Variants in RPA3 observed in about 807,000 individuals in gnomAD.
RPA3 encodes the protein replication protein A 14 kDa subunit.
A neutral mutation model predicts 13.7 loss-of-function variants in RPA3; 24 were observed. The ratio of observed to expected loss-of-function variants is 1.75; its 90% CI spans 1.27 to 2.46. RPA3 has a LOEUF of 2.46. Among genes scored for constraint, RPA3 ranks in the 30% most tolerant of loss-of-function variants. The pLI, the probability that RPA3 is intolerant of heterozygous loss-of-function variation, is 0.00. For missense variants in RPA3, 183 were observed against 151.0 expected (o/e 1.21, Z -1.11); for synonymous variants, 59 against 51.2 (o/e 1.15, Z -0.65).
chr7:7,707,325 G>T (rs1780630041), intron 2 of RPA3, among the ~76,000 whole-genome samples: 1 of 152,052 alleles, frequency 6.6e-6, no homozygotes, highest in South Asian at 2.1e-4. Context: ...ATATCCTCTA[G>T]GTATCAAATT....
chr7:7,676,347 A>G (rs995477727), intron 4 of RPA3: 19 of 391,866 alleles, frequency 4.8e-5, no homozygotes, highest in African/African-American at 3.9e-4. Flanking sequence ...GTGAGGTAGT[A>G]CTATTATATC....
Position 7,640,723 on chromosome 7 carries a change from C to A in RPA3, c.-305G>T, listed in dbSNP as rs1460133206. 3.1e-6 allele frequency: 1 copy of A among 322,352 alleles called. No individual in the cohort carries two copies. Among genetic ancestry groups the A allele is most frequent in the South Asian group, 4.1e-5 (1 of 24,578 alleles). 20.0% of individuals were successfully genotyped at this position (322,352 alleles called of 1,614,324 possible). ...GGATAGGGGCGGAACCTGAGACTAC[C>A]TTTCTGCGATCACAGGATTCCCGGC... On this transcript the variant is annotated 5_prime_UTR_variant, in exon 5 of 8. The change creates a new upstream start codon in the 5' untranslated region. Coordinates refer to ENST00000223129, the MANE Select transcript of RPA3 (RefSeq NM_002947.5).
chr7:7,641,784 T>C (rs1258836254), intron 4 of RPA3: 1 of 152,214 alleles, frequency 6.6e-6, no homozygotes, highest in Non-Finnish European at 1.5e-5. Flanking sequence ...GGCCCAAAGC[T>C]ACAGAATTGT....
chr7:7,717,060 C>CTTTTTTTTTTTTT (rs766644906), intron 1 of RPA3, among the ~76,000 whole-genome samples: 1 of 141,604 alleles, frequency 7.1e-6, no homozygotes, highest in Admixed American at 7.0e-5. Flanking sequence ...TTCTTTTTTT[C>CTTTTTTTTTTTTT]TTTTTTTTTT....
Position 7,638,165 on chromosome 7 carries a change from C to G in RPA3, c.175-193G>C, listed in dbSNP as rs113566689. The G allele has an allele frequency of 5.1e-3, 2,349 of 462,602 alleles. 23 individuals carry two copies. Among genetic ancestry groups the G allele is most frequent in the Middle Eastern group, 0.012 (26 of 2,232 alleles). 28.7% of individuals were successfully genotyped at this position (462,602 alleles called of 1,614,324 possible). A position where few individuals can be genotyped will look rare whatever the true frequency, so the allele number is the denominator to read the frequency against. On this transcript the variant is annotated intron_variant, in intron 6 of 7. Transcript: ENST00000223129. ...CTTAACTGTCAGCATGTTAAAATTC[C>G]TGCTACCTTTAGCAGTAGCTTCAAG...
At chr7:7,698,546 T>TTTTTC (rs1318687623) in intron 2 of RPA3, among the ~76,000 whole-genome samples, 1 of 152,210 alleles carries the variant, frequency 6.6e-6, no homozygotes, top group African/African-American at 2.4e-5. Flanking sequence ...TCTAAATGTT[T>TTTTTC]TTTTCTTTTC....
In RPA3 at chr7:7,640,038, G is replaced by A. The variant is rs28916299; in HGVS notation, c.99+282C>T. On this transcript the variant is annotated intron_variant, in intron 5 of 7. Transcript: ENST00000223129. ...AAGAAATCTGAAGGTAGATGTGGGA[G>A]TGGTGTTTATAATTTCCCTTACGTA... The A allele has an allele frequency of 1.6e-4, 70 of 446,394 alleles. No individual in the cohort carries two copies. The East Asian group carries it at 2.3e-3, about 14-fold the overall frequency. 27.7% of individuals were successfully genotyped at this position (446,394 alleles called of 1,614,324 possible).
chr7:7,651,326 TC>T (rs1384395343), intron 4 of RPA3, among the ~76,000 whole-genome samples: 1 of 152,146 alleles, frequency 6.6e-6, no homozygotes, highest in African/African-American at 2.4e-5. Flanking sequence ...GCTTGGCTTG[TC>T]TTTTGGCTGG....
chr7:7,673,319 C>T (rs757765168), intron 4 of RPA3: 3 of 444,318 alleles, frequency 6.8e-6, no homozygotes, highest in East Asian at 2.2e-4. Flanking sequence ...GTAGCAGCAG[C>T]AGCAGCAGCA....
At chr7:7,672,613 C>G (rs1779635041) in intron 4 of RPA3, among the ~76,000 whole-genome samples, 1 of 152,152 alleles carries the variant, frequency 6.6e-6, no homozygotes. Flanking sequence ...TGAGTGAGTT[C>G]TCATGAGATC....
At chr7:7,692,141 T>C (rs562191211) in intron 2 of RPA3, among the ~76,000 whole-genome samples, 2 of 152,258 alleles carry the variant, frequency 1.3e-5, no homozygotes, top group South Asian at 4.1e-4. Context: ...TTTTCTGCAC[T>C]CTCGCACACA....
At chr7:7,657,050 A>G (rs1016245654) in intron 4 of RPA3, among the ~76,000 whole-genome samples, 2 of 152,024 alleles carry the variant, frequency 1.3e-5, no homozygotes, top group Non-Finnish European at 2.9e-5. Flanking sequence ...TTTGATTTGC[A>G]TTTCTCTAAT....
At chr7:7,661,400 G>C (rs1445377162) in intron 4 of RPA3, among the ~76,000 whole-genome samples, 1 of 152,124 alleles carries the variant, frequency 6.6e-6, no homozygotes, top group Non-Finnish European at 1.5e-5. Flanking sequence ...TCTGGTTTTT[G>C]GAATTTTCCG....
intron 5 of RPA3, among the ~76,000 whole-genome samples, chr7:7,639,542 C>T (rs913432334): frequency 1.3e-5 from 2 of 152,162 alleles, no homozygotes; most frequent in Non-Finnish European, 2.9e-5. Context: ...GAACTGGTTG[C>T]TAGAATATCT....
intron 2 of RPA3, among the ~76,000 whole-genome samples, chr7:7,712,631 G>C (rs1490874746): frequency 6.6e-6 from 1 of 152,058 alleles, no homozygotes; most frequent in African/African-American, 2.4e-5. Flanking sequence ...TGTGAATAGT[G>C]AGTTTTGTTT....
At chr7:7,692,015 G>GA (rs1487042726) in intron 2 of RPA3, among the ~76,000 whole-genome samples, 3 of 152,178 alleles carry the variant, frequency 2.0e-5, no homozygotes, top group South Asian at 2.1e-4. Flanking sequence ...GTTAGATTGA[G>GA]AAAAAACTAA....
At chr7:7,698,590 C>T (rs962503583) in intron 2 of RPA3, among the ~76,000 whole-genome samples, 2 of 151,948 alleles carry the variant, frequency 1.3e-5, no homozygotes, top group Admixed American at 6.6e-5. Context: ...AACTGGAGAT[C>T]CTGTTTAGGC....
At chr7:7,672,794 G>A (rs938821619) in intron 4 of RPA3, among the ~76,000 whole-genome samples, 4 of 152,182 alleles carry the variant, frequency 2.6e-5, no homozygotes, top group South Asian at 2.1e-4. Flanking sequence ...CTTCATAGCA[G>A]TGTGAGAATG....
intron 1 of RPA3, among the ~76,000 whole-genome samples, chr7:7,716,208 A>G (rs1780898185): frequency 6.6e-6 from 1 of 152,202 alleles, no homozygotes. Context: ...GATGCCCTAG[A>G]AATAGTTCTA....
Sources: allele counts gnomAD v4.1 joint callset (sites outside exome capture counted in the v4.1 genomes callset), GRCh38; gene constraint gnomAD v4.1.1; transcripts MANE v1.5; gene names NCBI Gene and HGNC (gene_info 2026-07-23, HGNC 2026-07-21).